The following LAMC1 variants were observed in gnomAD, a reference collection of about 807,000 sequenced individuals.
LAMC1 encodes the protein laminin subunit gamma 1, also known as laminin subunit gamma-1.
Under a neutral mutation model 173.6 loss-of-function variants are expected in LAMC1, and 38 were observed. The observed-to-expected ratio is 0.22, with a 90% CI of 0.17 to 0.29. LAMC1 has a LOEUF of 0.29. Among genes scored for constraint, LAMC1 ranks in the 10% least tolerant of loss-of-function variants. The pLI, the probability that LAMC1 is intolerant of heterozygous loss-of-function variation, is 1.00. For missense variants in LAMC1, 1,824 were observed against 2,051.8 expected (o/e 0.89, Z 2.14); for synonymous variants, 746 against 749.1 (o/e 1.00, Z 0.07).
chr1:183,105,309 A>G (rs1418189726), intron 2 of LAMC1, among the ~76,000 whole-genome samples: 1 of 152,046 alleles, frequency 6.6e-6, no homozygotes, highest in Non-Finnish European at 1.5e-5. Flanking sequence ...TGACCTACAA[A>G]TACTCTTTAA....
At chr1:183,137,291 A>G (rs1237942247) in intron 25 of LAMC1, among the ~76,000 whole-genome samples, 3 of 152,176 alleles carry the variant, frequency 2.0e-5, no homozygotes, top group African/African-American at 7.2e-5. Flanking sequence ...CTAGCTTTGA[A>G]TTTAAATTTT....
intron 1 of LAMC1, among the ~76,000 whole-genome samples, chr1:183,079,645 C>T (rs1192160204): frequency 3.9e-5 from 6 of 152,068 alleles, no homozygotes; most frequent in Non-Finnish European, 7.4e-5. Flanking sequence ...ATATCTATTC[C>T]CATTGTTTTA....
At chr1:183,111,989 A>G (rs1022690953) in intron 4 of LAMC1, among the ~76,000 whole-genome samples, 22 of 152,334 alleles carry the variant, frequency 1.4e-4, no homozygotes, top group African/African-American at 5.1e-4. Flanking sequence ...CAGTGAGTCA[A>G]GATTGCGCCA....
chr1:183,030,485 C>G (rs1458036215), intron 1 of LAMC1, among the ~76,000 whole-genome samples: 1 of 152,114 alleles, frequency 6.6e-6, no homozygotes, highest in Non-Finnish European at 1.5e-5. Context: ...ATAAAACTCC[C>G]AGAACATTGA....
intron 1 of LAMC1, among the ~76,000 whole-genome samples, chr1:183,099,031 A>G (rs189224442): frequency 1.4e-4 from 22 of 152,192 alleles, no homozygotes; most frequent in African/African-American, 5.3e-4. Context: ...TAGGCAGACT[A>G]CATGGTAGAT....
chr1:183,035,995 A>G (rs1653969435), intron 1 of LAMC1, among the ~76,000 whole-genome samples: 2 of 152,088 alleles, frequency 1.3e-5, no homozygotes, highest in South Asian at 4.1e-4. Flanking sequence ...TTCCTATATA[A>G]ATGATTCTCA....
At chr1:183,025,594 C>T (rs530481487) in intron 1 of LAMC1, among the ~76,000 whole-genome samples, 46 of 152,234 alleles carry the variant, frequency 3.0e-4, no homozygotes, top group African/African-American at 1.0e-3. Flanking sequence ...TGAGATTGCT[C>T]TTTATTTTCT....
chr1:183,095,246 T>G (rs1328877873), intron 1 of LAMC1, among the ~76,000 whole-genome samples: 4 of 152,216 alleles, frequency 2.6e-5, no homozygotes, highest in African/African-American at 9.6e-5. Flanking sequence ...TTTTTGTGAC[T>G]TTGTGGGATT....
intron 24 of LAMC1, 27 bp from the exon 25 acceptor site, chr1:183,136,359 T>G: frequency 1.2e-6 from 2 of 1,607,912 alleles, no homozygotes; most frequent in Non-Finnish European, 1.7e-6. Context: ...GGAGTTTAGC[T>G]CAAATGTGTC....
intron 20 of LAMC1, among the ~76,000 whole-genome samples, chr1:183,131,647 A>G (rs535788419): frequency 5.3e-5 from 8 of 152,332 alleles, no homozygotes; most frequent in Admixed American, 1.3e-4. Flanking sequence ...TCTCAAAACC[A>G]TAATATTTTT....
chr1:183,095,898 T>G (rs1655680160), intron 1 of LAMC1, among the ~76,000 whole-genome samples: 1 of 152,222 alleles, frequency 6.6e-6, no homozygotes. Context: ...GGAAATTGTT[T>G]GTACCCTCTA....
rs146505800 is a variant in LAMC1 at position 183,136,569 on chromosome 1, C to T, written c.4298C>T (p.Ala1433Val). 17 of 1,607,310 alleles carry T rather than the reference C, an allele frequency of 1.1e-5. No individual in the cohort carries two copies. The highest frequency in any genetic ancestry group is 3.4e-5 in the Admixed American group (2 of 58,624). Residue 1433 changes from alanine (A) to valine (V), a missense_variant, in exon 25 of 28, where the codon GCG (alanine) becomes GTG (valine). By Grantham distance (64) the Ala-to-Val change is moderately conservative. Transcript: ENST00000258341. ...AAGGCCCATGAGGCGGAGAGGATCG[C>T]GAGCGCTGTCCAAAAGGTGTGCGTT... ...KNKAHEAERI[A>V]SAVQKNATST... is the part of the protein sequence containing the mutation.
chr1:183,098,453 T>C (rs1655750316), intron 1 of LAMC1, among the ~76,000 whole-genome samples: 1 of 152,220 alleles, frequency 6.6e-6, no homozygotes, highest in African/African-American at 2.4e-5. Flanking sequence ...TTCTTTTACA[T>C]TGGCAGAGGG....
At chr1:183,033,878 T>A (rs1653906182) in intron 1 of LAMC1, among the ~76,000 whole-genome samples, 1 of 152,016 alleles carries the variant, frequency 6.6e-6, no homozygotes, top group Admixed American at 6.6e-5. Context: ...GTATTTTTTT[T>A]AGTAGAGATC....
At chr1:183,133,587 C>G (rs1057042934) in intron 22 of LAMC1, 37 bp downstream of exon 22, 4 of 1,569,020 alleles carry the variant, frequency 2.5e-6, no homozygotes, top group Admixed American at 3.6e-5. Context: ...CCCACCCCGT[C>G]TCTCCCCCAA....
At chr1:183,040,055 A>G (rs536874129) in intron 1 of LAMC1, among the ~76,000 whole-genome samples, 1 of 152,276 alleles carries the variant, frequency 6.6e-6, no homozygotes, top group Non-Finnish European at 1.5e-5. Flanking sequence ...TCTGAATGTA[A>G]CTAGATTCGG....
At chr1:183,106,720 C>G (rs1468180116) in intron 2 of LAMC1, among the ~76,000 whole-genome samples, 1 of 152,204 alleles carries the variant, frequency 6.6e-6, no homozygotes, top group Non-Finnish European at 1.5e-5. Flanking sequence ...TATGATTTCT[C>G]ATGATTCTGT....
intron 13 of LAMC1, among the ~76,000 whole-genome samples, chr1:183,123,006 T>A (rs968966806): frequency 6.6e-6 from 1 of 152,208 alleles, no homozygotes; most frequent in African/African-American, 2.4e-5. Context: ...TGTCAGCCAT[T>A]TTCTGCTGTG....
intron 11 of LAMC1, among the ~76,000 whole-genome samples, chr1:183,119,304 T>C (rs1656406600): frequency 1.3e-5 from 2 of 152,110 alleles, no homozygotes; most frequent in Non-Finnish European, 2.9e-5. Flanking sequence ...GGGAGAGGCA[T>C]CTGCAGCTTA....
Sources: allele counts gnomAD v4.1 joint callset (sites outside exome capture counted in the v4.1 genomes callset), GRCh38; gene constraint gnomAD v4.1.1; transcripts MANE v1.5; gene names NCBI Gene and HGNC (gene_info 2026-07-23, HGNC 2026-07-21).